Variants in MISP observed in about 807,000 individuals in gnomAD.
MISP encodes mitotic interactor and substrate of PLK1.
A neutral mutation model predicts 49.3 loss-of-function variants in MISP; 51 were observed. The ratio of observed to expected loss-of-function variants is 1.03; its 90% CI spans 0.83 to 1.31. MISP has a LOEUF of 1.31. MISP is among the 50% of genes most tolerant of loss of function. The pLI is 0.00. For synonymous variants in MISP, 444 were observed against 392.6 expected, an observed-to-expected ratio of 1.13 and a Z score of -1.55; for missense variants, 1,084 against 935.1, an observed-to-expected ratio of 1.16 and a Z score of -2.08.
rs2033578556 is a variant in MISP at position 757,601 on chromosome 19, A to G, written c.655A>G (p.Thr219Ala). The G allele has an allele frequency of 6.2e-7, 1 of 1,612,048 alleles. No homozygotes were observed. The highest frequency in any genetic ancestry group is 8.5e-7 in the Non-Finnish European group (1 of 1,179,508). The change falls in exon 2 of 5, where the codon ACC becomes GCC. Residue 219 changes from threonine (T) to alanine (A), a missense_variant. Thr to Ala is a moderately conservative substitution (Grantham distance 58). Coordinates refer to ENST00000215582, the MANE Select transcript of MISP (RefSeq NM_173481.4). Reference sequence around the variant, plus strand: ...CCCTCATAGCTCCCCGGCCAGGGGGACCCCTGCAGGCACAACCCCAGGGGC... The same window carrying G: ...CCCTCATAGCTCCCCGGCCAGGGGGGCCCCTGCAGGCACAACCCCAGGGGC... ...GAPHSSPARGTPAGTTPGASQ... is the reference protein window; with the variant it reads ...GAPHSSPARGAPAGTTPGASQ...
chr19:753,046 CG>C (rs2033483995), intron 1 of MISP, among the ~76,000 whole-genome samples: 1 of 152,146 alleles, frequency 6.6e-6, no homozygotes, highest in Non-Finnish European at 1.5e-5. Context: ...CCACAGCAGG[CG>C]AGAGCGAGGC....
upstream of MISP, among the ~76,000 whole-genome samples, chr19:750,493 T>TCCGG (rs2033445645): frequency 6.6e-6 from 1 of 152,026 alleles, no homozygotes; most frequent in Non-Finnish European, 1.5e-5. Flanking sequence ...AGCCACCAAG[T>TCCGG]CCGGCCCCCT....
intron 2 of MISP, 93 bp from the exon 3 acceptor site, chr19:759,816 C>G: frequency 6.9e-7 from 1 of 1,448,912 alleles, no homozygotes; most frequent in Admixed American, 1.9e-5. Context: ...TCTGTCCATA[C>G]ATCTGTCTCC....
chr19:757,274 G>A lies in MISP; in HGVS notation c.328G>A (p.Ala110Thr). The A allele has an allele frequency of 1.2e-6, 2 of 1,614,004 alleles. No homozygotes were observed. The highest frequency in any genetic ancestry group is 1.7e-6 in the Non-Finnish European group (2 of 1,179,978). The change falls in exon 2 of 5, where the codon GCA becomes ACA. Residue 110 changes from alanine (A) to threonine (T), a missense_variant. Transcript: ENST00000215582. ...TGCCCACCAGGGACGTCCAACATGG[G>A]CACTCCGCCCAGAGGACGGGGAGGA... ...RDAHQGRPTW[A>T]LRPEDGEDKE...
In MISP at chr19:758,510, G is replaced by A. The variant is rs1307891777; in HGVS notation, c.1564G>A (p.Val522Ile). ...RAPDEPQQAQ[V>I]PHVWGWEVAG... is the part of the protein sequence containing the mutation. ...CCCAGACGAGCCCCAGCAGGCCCAAGTCCCCCATGTCTGGGGCTGGGAGGT... is the reference window on the plus strand; with the variant it reads ...CCCAGACGAGCCCCAGCAGGCCCAAATCCCCCATGTCTGGGGCTGGGAGGT... Residue 522 changes from valine to isoleucine, a missense_variant, in exon 2 of 5, where the codon GTC becomes ATC. Transcript: ENST00000215582. 6.2e-7 allele frequency: 1 copy of A among 1,614,000 alleles called. No individual in the cohort carries two copies.
chr19:757,351 G>T lies in MISP; in HGVS notation c.405G>T (p.Arg135Ser). Residue 135 changes from arginine (R) to serine (S), a missense_variant, in exon 2 of 5, where the codon AGG becomes AGT. Coordinates refer to ENST00000215582, the MANE Select transcript of MISP (RefSeq NM_173481.4). The stretch of plus-strand genomic sequence containing the variant: ...ATGCTGGGGACGCTGACCCCAGGAG[G>T]CTGTGTGACCTGGAGCGGGAGCGCT... ...RLDAGDADPRRLCDLERERWA... is the reference protein window; with the variant it reads ...RLDAGDADPRSLCDLERERWA... The T allele has an allele frequency of 6.2e-7, 1 of 1,613,724 alleles. No individual in the cohort carries two copies. Among genetic ancestry groups the T allele is most frequent in the Middle Eastern group, 1.6e-4 (1 of 6,062 alleles).
chr19:756,428 A>T (rs1055464558), intron 1 of MISP, among the ~76,000 whole-genome samples: 1 of 150,826 alleles, frequency 6.6e-6, no homozygotes, highest in Non-Finnish European at 1.5e-5. Flanking sequence ...ATTGATCAGG[A>T]TGAGTCACTT....
At chr19:749,910 T>C (rs2033433715), upstream of MISP, among the ~76,000 whole-genome samples, 1 of 151,812 alleles carries the variant, frequency 6.6e-6, no homozygotes, top group East Asian at 1.9e-4. Context: ...AAGAAGAGAC[T>C]GAGGTTCAGA....
At chr19:753,589 AT>A (rs2033495966) in intron 1 of MISP, among the ~76,000 whole-genome samples, 1 of 151,506 alleles carries the variant, frequency 6.6e-6, no homozygotes, top group South Asian at 2.1e-4. Context: ...GGGTTTCACC[AT>A]TTTAGCCAGG....
chr19:763,638 G>A lies in MISP; in HGVS notation c.*48G>A. 7.2e-7 allele frequency: 1 copy of A among 1,394,256 alleles called. No homozygotes were observed. The highest frequency in any genetic ancestry group is 1.0e-6 in the Non-Finnish European group (1 of 992,020). The allele number at this position is 1,394,256 out of a possible 1,614,324, so 86.4% of individuals were successfully genotyped here. A position where few individuals can be genotyped will look rare whatever the true frequency, so the allele number is the denominator to read the frequency against. ...CCCTGCCCTGCCCTGACCCTCGTGG[G>A]AACTGCCAAGACCATCGCCAAGCCC... On this transcript the variant is annotated 3_prime_UTR_variant, in exon 5 of 5. Transcript: ENST00000215582.
intron 1 of MISP, among the ~76,000 whole-genome samples, chr19:756,539 G>T (rs574690297): frequency 6.6e-6 from 1 of 152,118 alleles, no homozygotes; most frequent in Non-Finnish European, 1.5e-5. Context: ...AGGCCAGAAG[G>T]TGGGATGCTC....
In MISP at chr19:758,401, G is replaced by T; in HGVS notation, c.1455G>T (p.Ser485=). The T allele has an allele frequency of 6.2e-7, 1 of 1,614,180 alleles. No homozygotes were observed. The highest frequency in any genetic ancestry group is 8.5e-7 in the Non-Finnish European group (1 of 1,180,030). Residue 485 remains serine, a synonymous_variant, in exon 2 of 5, where the codon TCG becomes TCT. Transcript: ENST00000215582. The stretch of plus-strand genomic sequence containing the variant: ...CCCTGAGCACAAAGCAAGAGGCATC[G>T]AAGCCCCCTCGGGGATGCCCGCAAG... The part of the protein sequence containing the change: ...GKPLSTKQEA[S]KPPRGCPQAN...
chr19:756,174 G>A (rs192233518), intron 1 of MISP, among the ~76,000 whole-genome samples: 9 of 152,228 alleles, frequency 5.9e-5, no homozygotes, highest in African/African-American at 2.2e-4. Flanking sequence ...TACCCACTGG[G>A]GGCATTTACG....
chr19:759,590 T>C (rs549744735), intron 2 of MISP, among the ~76,000 whole-genome samples: 12 of 151,568 alleles, frequency 7.9e-5, no homozygotes, highest in South Asian at 4.2e-4. Flanking sequence ...TTAGTAGAGA[T>C]GGGGTTTCAC....
intron 1 of MISP, among the ~76,000 whole-genome samples, chr19:756,099 G>C (rs1266423615): frequency 6.6e-6 from 1 of 152,170 alleles, no homozygotes; most frequent in Non-Finnish European, 1.5e-5. Context: ...GGTATGGTTG[G>C]AATCAGGGAG....
In MISP at chr19:758,222, C is replaced by T; in HGVS notation, c.1276C>T (p.Gln426Ter). Reference protein sequence around the residue: ...KVNRIPPDAYQPYLSPGTPQL... With the variant: ...KVNRIPPDAY ...GAACCGCATCCCACCTGATGCCTAC[C>T]AGCCGTACCTGAGCCCCGGGACCCC... Residue 426 changes from glutamine (Q) to a stop codon, truncating the protein, a stop_gained, in exon 2 of 5, where the codon CAG (glutamine) becomes TAG (stop). Coordinates refer to ENST00000215582, the MANE Select transcript of MISP (RefSeq NM_173481.4). LOFTEE classifies it high-confidence loss of function. 1 of 1,613,162 alleles carries T rather than the reference C, an allele frequency of 6.2e-7. No homozygotes were observed.
chr19:759,914 A>AC lies in MISP; in HGVS notation c.1787dup (p.Ser598GlnfsTer6). ...CCCTCCCTGCTCCCCTACAGGCATC[A>AC]CGGGCAGTTACTCGGTGTCTGAGTC... On this transcript the variant is annotated frameshift_variant, in exon 3 of 5. Transcript: ENST00000215582. LOFTEE classifies it high-confidence loss of function. 2 of 1,613,986 alleles carry AC rather than the reference A, an allele frequency of 1.2e-6. No individual in the cohort carries two copies. The highest frequency in any genetic ancestry group is 1.7e-6 in the Non-Finnish European group (2 of 1,179,932).
chr19:757,696 G>A lies in MISP; in HGVS notation c.750G>A (p.Gln250=), dbSNP rs2033583974. The A allele has an allele frequency of 6.2e-7, 1 of 1,613,864 alleles. No individual in the cohort carries two copies. Among genetic ancestry groups the A allele is most frequent in the Non-Finnish European group, 8.5e-7 (1 of 1,179,974 alleles). The change falls in exon 2 of 5, where the codon CAG becomes CAA. Residue 250 remains glutamine, a synonymous_variant. Coordinates refer to ENST00000215582, the MANE Select transcript of MISP (RefSeq NM_173481.4). ...ANGHVVPIKP[Q]VKGVVREENK... ...GGCACGTGGTTCCCATCAAGCCCCA[G>A]GTGAAGGGGGTGGTCAGGGAAGAGA...
chr19:758,426 G>A lies in MISP; in HGVS notation c.1480G>A (p.Ala494Thr). ...ASKPPRGCPQ[A>T]NRGVVRWEYF... The stretch of plus-strand genomic sequence containing the variant: ...GAAGCCCCCTCGGGGATGCCCGCAA[G>A]CCAACAGGGGTGTCGTGCGGTGGGA... The change falls in exon 2 of 5, where the codon GCC becomes ACC. Residue 494 changes from alanine (A) to threonine (T), a missense_variant. Transcript: ENST00000215582. The A allele has an allele frequency of 2.5e-6, 4 of 1,614,236 alleles. No individual in the cohort carries two copies. The highest frequency in any genetic ancestry group is 3.4e-6 in the Non-Finnish European group (4 of 1,180,046).
Sources: allele counts gnomAD v4.1 joint callset (sites outside exome capture counted in the v4.1 genomes callset), GRCh38; gene constraint gnomAD v4.1.1; transcripts MANE v1.5; gene names NCBI Gene and HGNC (gene_info 2026-07-23, HGNC 2026-07-21).